The following TSPAN10 variants were observed in gnomAD, a reference collection of about 807,000 sequenced individuals.
TSPAN10 encodes tetraspanin 10.
TSPAN10 carries 11 observed loss-of-function variants against 15.0 expected under a neutral mutation model. The ratio of observed to expected loss-of-function variants is 0.73; its 90% CI spans 0.46 to 1.21. The LOEUF (loss-of-function observed/expected upper bound fraction) is 1.21. Ranked by LOEUF, TSPAN10 falls within the 50% of genes most tolerant of loss-of-function variation. The pLI, the probability that TSPAN10 is intolerant of heterozygous loss-of-function variation, is 0.00. For synonymous variants in TSPAN10, 241 were observed against 226.2 expected, an observed-to-expected ratio of 1.07 and a Z score of -0.59; for missense variants, 486 against 470.6, an observed-to-expected ratio of 1.03 and a Z score of -0.30.
chr17:81,645,472 GC>G lies in TSPAN10; in HGVS notation c.520del (p.Leu174SerfsTer37). 1 of 1,580,564 alleles carries G rather than the reference GC, an allele frequency of 6.3e-7. No homozygotes were observed. Among genetic ancestry groups the G allele is most frequent in the Non-Finnish European group, 8.6e-7 (1 of 1,166,170 alleles). On this transcript the variant is annotated frameshift_variant, in exon 2 of 3. Coordinates refer to ENST00000611590, the Ensembl canonical transcript of TSPAN10. LOFTEE classifies it high-confidence loss of function. ...GGCCGTGGCGGGGGCCCTGGTGGTGGCCCTCTGGGGCCCGCTGCAAGACAGC... is the reference window on the plus strand; with the variant it reads ...GGCCGTGGCGGGGGCCCTGGTGGTGGCCTCTGGGGCCCGCTGCAAGACAGC...
At chr17:81,639,199 A>AT (rs2036153261), upstream of TSPAN10, 8 of 118,614 alleles carry the variant, frequency 6.7e-5, no homozygotes, top group African/African-American at 9.5e-5. Context: ...GTTTGGAATT[A>AT]CTTTTCTTTT....
upstream of TSPAN10, among the ~76,000 whole-genome samples, chr17:81,641,905 TG>T (rs200595737): frequency 0.028 from 3,584 of 128,298 alleles, 141 homozygotes; most frequent in African/African-American, 0.1. Flanking sequence ...GGTGATCTGG[TG>T]GGGGGACGCT....
At chr17:81,637,527 G>A (rs780375846), upstream of TSPAN10, 8 of 619,982 alleles carry the variant, frequency 1.3e-5, no homozygotes, top group East Asian at 2.9e-5. Flanking sequence ...GGCCGGGCGC[G>A]GTGGCTCATA....
intron 2 of TSPAN10, chr17:81,645,973 C>T (rs2036247552): frequency 4.8e-6 from 2 of 413,920 alleles, no homozygotes. Context: ...TCTCCTTGTT[C>T]TATGGGCTCA....
At chr17:81,639,967 A>G (rs2036163617), upstream of TSPAN10, among the ~76,000 whole-genome samples, 1 of 151,462 alleles carries the variant, frequency 6.6e-6, no homozygotes, top group Non-Finnish European at 1.5e-5. Flanking sequence ...GCGACAGAGC[A>G]AGACTCCGTC....
In TSPAN10 at chr17:81,647,728, C is replaced by G. The variant is rs555448193; in HGVS notation, c.675-173C>G. 3 of 683,518 alleles carry G rather than the reference C, an allele frequency of 4.4e-6. No homozygotes were observed. The South Asian group carries it at 5.3e-5, about 12-fold the overall frequency. The allele number at this position is 683,518 out of a possible 1,614,324, so 42.3% of individuals were successfully genotyped here. Reference sequence around the variant, plus strand: ...GGGATACGTTATAGAGAGCCAGGTGCTGTGTGTGTCCGTGTGTGCAGGTGT... The same window carrying G: ...GGGATACGTTATAGAGAGCCAGGTGGTGTGTGTGTCCGTGTGTGCAGGTGT... On this transcript the variant is annotated intron_variant, in intron 2 of 2. Coordinates refer to ENST00000611590, the Ensembl canonical transcript of TSPAN10.
chr17:81,647,601 C>G, intron 2 of TSPAN10: 1 of 646,116 alleles, frequency 1.5e-6, no homozygotes, highest in South Asian at 1.5e-5. Context: ...GTCCTCTTAT[C>G]AATGCTTGTC....
chr17:81,648,477 A>T (rs1293279938), downstream of TSPAN10: 1 of 529,204 alleles, frequency 1.9e-6, no homozygotes, highest in Admixed American at 4.9e-5. Flanking sequence ...CCAGCCCCCA[A>T]CGCAGGGCGC....
chr17:81,648,147 G>A, exon 3 of TSPAN10: 1 of 1,501,690 alleles, frequency 6.7e-7, no homozygotes. Context: ...TGCAGGGCGC[G>A]GAGCTCCTGC....
In TSPAN10 at chr17:81,648,075, C is replaced by G. The variant is rs1021332582; in HGVS notation, c.849C>G (p.Leu283=). The G allele has an allele frequency of 9.4e-6, 15 of 1,591,606 alleles. No individual in the cohort carries two copies. In the African/African-American group the frequency reaches 1.2e-4, roughly 13 times the overall value. Residue 283 remains leucine, a synonymous_variant, in exon 3 of 3, where the codon CTC becomes CTG. Transcript: ENST00000611590. ...ACCTGGAGGGCTGCGGCCCGCCGCT[C>G]CGGCGGTGGCTGCGCGCGAACCTGG... is the stretch of plus-strand genomic sequence containing the variant.
intron 2 of TSPAN10, chr17:81,647,588 G>A (rs2144386986): frequency 3.2e-6 from 2 of 627,902 alleles, no homozygotes; most frequent in South Asian, 1.5e-5. Flanking sequence ...TCTGCGGAGG[G>A]AGGTCCTCTT....
At chr17:81,647,544 C>T (rs2036271192) in intron 2 of TSPAN10, 1 of 541,368 alleles carries the variant, frequency 1.8e-6, no homozygotes, top group East Asian at 4.4e-5. Context: ...CCCTCCCCTG[C>T]TCCAACTCTA....
At chr17:81,643,610 C>CAAA (rs777668849) in intron 1 of TSPAN10, among the ~76,000 whole-genome samples, 3 of 15,116 alleles carry the variant, frequency 2.0e-4, no homozygotes, top group African/African-American at 1.1e-3. Context: ...GACTCCGTCT[C>CAAA]AAAAAAAAAA....
chr17:81,644,309 C>G (rs1407623091), intron 1 of TSPAN10, among the ~76,000 whole-genome samples: 1 of 120,816 alleles, frequency 8.3e-6, no homozygotes, highest in African/African-American at 3.4e-5. Context: ...GGCGGTCTTC[C>G]TGGGCTCTTG....
intron 1 of TSPAN10, 46 bp from the exon 3 acceptor site, chr17:81,644,945 AG>A: frequency 6.2e-7 from 1 of 1,600,824 alleles, no homozygotes; most frequent in Non-Finnish European, 8.5e-7. Flanking sequence ...CAGTTGTCAC[AG>A]AGTCTGGGTG....
exon 2 of TSPAN10, chr17:81,645,281 G>C: frequency 6.5e-7 from 1 of 1,533,804 alleles, no homozygotes; most frequent in Non-Finnish European, 8.7e-7. Context: ...GGGTCTCTGG[G>C]AAGTGATCTG....
At chr17:81,645,174 C>A in exon 2 of TSPAN10, 1 of 1,551,634 alleles carries the variant, frequency 6.4e-7, no homozygotes, top group South Asian at 1.2e-5. Flanking sequence ...CCCCAGGGAG[C>A]AGCTGCGTCA....
chr17:81,645,015 C>G (rs751661368), exon 2 of TSPAN10: 12 of 1,610,998 alleles, frequency 7.4e-6, no homozygotes, highest in Non-Finnish European at 1.0e-5. Flanking sequence ...AGAAGCCCCT[C>G]TCTGTGCACA....
At chr17:81,639,923 T>G (rs1273624532), upstream of TSPAN10, among the ~76,000 whole-genome samples, 1 of 150,164 alleles carries the variant, frequency 6.7e-6, no homozygotes, top group East Asian at 2.0e-4. Context: ...GAGCTTGCAG[T>G]GAGCCGAGAT....
Sources: gnomAD v4.1 joint callset for allele counts (sites outside exome capture counted in the v4.1 genomes callset) on GRCh38, gnomAD v4.1.1 for gene constraint, MANE v1.5 for transcripts, NCBI Gene and HGNC (gene_info 2026-07-23, HGNC 2026-07-21) for gene names.